BARX1: variants seen among roughly 807,000 people sequenced by gnomAD.
BARX1 encodes the protein homeobox protein BarH-like 1.
In BARX1, 10 loss-of-function variants were observed where a neutral mutation model predicts 19.6. The observed-to-expected ratio is 0.51, with a 90% CI of 0.31 to 0.86. The LOEUF is 0.86. Ranked by LOEUF, BARX1 falls within the 40% of genes least tolerant of loss-of-function variation. BARX1 has a pLI of 0.04. For missense variants in BARX1, 309 were observed against 360.4 expected (o/e 0.86, Z 1.15); for synonymous variants, 177 against 170.0 (o/e 1.04, Z -0.32).
chr9:93,952,459 A>C, intron 3 of BARX1, 131 bp from the exon 4 acceptor site: 1 of 1,347,750 alleles, frequency 7.4e-7, no homozygotes, highest in Non-Finnish European at 9.9e-7. Flanking sequence ...GTCCCGGGAA[A>C]TGGCGGCCAT....
At chr9:93,952,466 C>T in intron 3 of BARX1, 138 bp from the exon 4 acceptor site, 4 of 1,335,924 alleles carry the variant, frequency 3.0e-6, no homozygotes, top group African/African-American at 1.5e-5. Context: ...GAAATGGCGG[C>T]CATTTGTCCA....
chr9:93,954,812 G>A (rs947699720), intron 1 of BARX1, 112 bp downstream of exon 1: 1 of 741,628 alleles, frequency 1.3e-6, no homozygotes, highest in Non-Finnish European at 1.8e-6. Context: ...TGCGCTCCCA[G>A]AGCAGCTTCC....
At chr9:93,954,790 G>T (rs1829141577) in intron 1 of BARX1, 134 bp downstream of exon 1, 2 of 566,930 alleles carry the variant, frequency 3.5e-6, no homozygotes, top group Non-Finnish European at 5.2e-6. Context: ...TCCGAGAGAC[G>T]GTCCCAGAAC....
intron 1 of BARX1, chr9:93,953,398 C>T (rs572560948): frequency 1.7e-6 from 1 of 572,116 alleles, no homozygotes; most frequent in South Asian, 2.6e-5. Context: ...ATCTCCTCGA[C>T]CCTGTCCGTG....
intron 2 of BARX1, 25 bp from the exon 3 acceptor site, chr9:93,952,838 A>G (rs1829118217): frequency 6.2e-7 from 1 of 1,613,994 alleles, no homozygotes; most frequent in Non-Finnish European, 8.5e-7. Context: ...GCGCACCCTC[A>G]GCAAGGCAAG....
In BARX1 at chr9:93,953,172, T is replaced by TCGGC; in HGVS notation, c.235_238dup (p.Glu80GlyfsTer99). The TCGGC allele has an allele frequency of 6.6e-7, 1 of 1,520,588 alleles. No homozygotes were observed. Among genetic ancestry groups the TCGGC allele is most frequent in the Non-Finnish European group, 8.7e-7 (1 of 1,143,990 alleles). 94.2% of individuals were successfully genotyped at this position (1,520,588 alleles called of 1,614,324 possible). A position where few individuals can be genotyped will look rare whatever the true frequency, so the allele number is the denominator to read the frequency against. On this transcript the variant is annotated frameshift_variant, in exon 2 of 4. Coordinates refer to ENST00000253968, the MANE Select transcript of BARX1 (RefSeq NM_021570.4). LOFTEE classifies it high-confidence loss of function. ...TGGGAACTTGAACACCGCCGCCTGC[T>TCGGC]CGGCCTTCAGCACGGCTGCGAAGAA...
chr9:93,952,059 A>T lies in BARX1; in HGVS notation c.*105T>A. 1 of 1,388,986 alleles carries T rather than the reference A, an allele frequency of 7.2e-7. No individual in the cohort carries two copies. The highest frequency in any genetic ancestry group is 9.7e-7 in the Non-Finnish European group (1 of 1,033,578). The allele number at this position is 1,388,986 out of a possible 1,614,324, so 86.0% of individuals were successfully genotyped here. ...ATTCAAGATCATAATAAAAAGGCTT[A>T]GGAAGTAAACTTCTTGGACGCGGAA... On this transcript the variant is annotated 3_prime_UTR_variant, in exon 4 of 4. Transcript: ENST00000253968.
chr9:93,951,909 A>C lies in BARX1; in HGVS notation c.*255T>G. On this transcript the variant is annotated 3_prime_UTR_variant, in exon 4 of 4. Transcript: ENST00000253968. ...TGGAGCGCTCTGCGCCACGGAGCTCAGGGTAGAGACTGTAGCTTCCGCCGG... is the reference window on the plus strand; with the variant it reads ...TGGAGCGCTCTGCGCCACGGAGCTCCGGGTAGAGACTGTAGCTTCCGCCGG... The C allele has an allele frequency of 1.9e-6, 1 of 531,130 alleles. No individual in the cohort carries two copies. The highest frequency in any genetic ancestry group is 3.2e-5 in the East Asian group (1 of 31,176). 32.9% of individuals were successfully genotyped at this position (531,130 alleles called of 1,614,324 possible). A position where few individuals can be genotyped will look rare whatever the true frequency, so the allele number is the denominator to read the frequency against.
In BARX1 at chr9:93,955,205, G is replaced by C. The variant is rs1018770800; in HGVS notation, c.-59C>G. On this transcript the variant is annotated 5_prime_UTR_variant, in exon 1 of 4. Transcript: ENST00000253968. This position sits in a 1 kb window ranked among gnomAD's most constrained non-coding sequence, Gnocchi z 4.4. Reference sequence around the variant, plus strand: ...GCGGCGGCGGCGACGGCTTGGCTCCGGCGCGGGGCCCGCGCGGGGCTCTAG... The same window carrying C: ...GCGGCGGCGGCGACGGCTTGGCTCCCGCGCGGGGCCCGCGCGGGGCTCTAG... The C allele has an allele frequency of 7.0e-6, 6 of 859,518 alleles. No homozygotes were observed. The highest frequency in any genetic ancestry group is 1.3e-4 in the Admixed American group (2 of 15,582). The allele number at this position is 859,518 out of a possible 1,614,324, so 53.2% of individuals were successfully genotyped here.
At chr9:93,953,545 G>A (rs1313652452) in intron 1 of BARX1, 6 of 312,600 alleles carry the variant, frequency 1.9e-5, no homozygotes, top group Non-Finnish European at 3.5e-5. Flanking sequence ...AACGGCAGCT[G>A]GTCCTAAGAA....
chr9:93,952,458 A>G, intron 3 of BARX1, 130 bp from the exon 4 acceptor site: 1 of 1,350,346 alleles, frequency 7.4e-7, no homozygotes, highest in Middle Eastern at 2.6e-4. Flanking sequence ...TGTCCCGGGA[A>G]ATGGCGGCCA....
intron 1 of BARX1, among the ~76,000 whole-genome samples, chr9:93,953,594 AG>A (rs1829126947): frequency 6.6e-6 from 1 of 152,398 alleles, no homozygotes; most frequent in African/African-American, 2.4e-5. Context: ...TTGCTGCGTT[AG>A]AAAAAGAACA....
chr9:93,952,146 C>T lies in BARX1; in HGVS notation c.*18G>A. ...GCGGGTGGCGCGGGCATCCCAGGCC[C>T]CGCACCGTATACCGCCCTCAGTCCT... On this transcript the variant is annotated 3_prime_UTR_variant, in exon 4 of 4. Transcript: ENST00000253968. 4 of 1,602,546 alleles carry T rather than the reference C, an allele frequency of 2.5e-6. No individual in the cohort carries two copies. The highest frequency in any genetic ancestry group is 2.5e-6 in the Non-Finnish European group (3 of 1,179,366).
rs1165822739 is a variant in BARX1 at position 93,955,027 on chromosome 9, C to T, written c.120G>A (p.Gly40=). Reference sequence around the variant, plus strand: ...CGGCTGCGGGCGCGGCGCCCTTGGGCCCGGGTGGCTCCGTGAGGATCTCCT... The same window carrying T: ...CGGCTGCGGGCGCGGCGCCCTTGGGTCCGGGTGGCTCCGTGAGGATCTCCT... ...MIEEILTEPP[G]PKGAAPAAAA... is the part of the protein sequence containing the mutation. Residue 40 remains glycine, a synonymous_variant, in exon 1 of 4, where the codon GGG becomes GGA. Transcript: ENST00000253968. The surrounding 1 kb of genome is among the most constrained non-coding windows in gnomAD (Gnocchi z 4.4). 3 of 1,406,338 alleles carry T rather than the reference C, an allele frequency of 2.1e-6. No individual in the cohort carries two copies. Among genetic ancestry groups the T allele is most frequent in the East Asian group, 3.3e-5 (1 of 30,752 alleles). The allele number at this position is 1,406,338 out of a possible 1,614,324, so 87.1% of individuals were successfully genotyped here.
At position 93,952,266 on chromosome 9, in the gene BARX1, T is replaced by A. The variant is rs1434973461; in HGVS notation, c.663A>T (p.Ser221=). Residue 221 remains serine, a synonymous_variant, in exon 4 of 4, where the codon TCA becomes TCT. Coordinates refer to ENST00000253968, the MANE Select transcript of BARX1 (RefSeq NM_021570.4). ...TKPKGRPKKN[S]IPTSEQLTEQ... is the part of the protein sequence containing the mutation. The stretch of plus-strand genomic sequence containing the variant: ...CAGTAAGCTGCTCGCTCGTTGGAAT[T>A]GAGTTCTTCTTGGGCCGCCCCTTGG... 1 of 1,612,338 alleles carries A rather than the reference T, an allele frequency of 6.2e-7. No homozygotes were observed. The highest frequency in any genetic ancestry group is 1.3e-5 in the African/African-American group (1 of 74,936).
At chr9:93,954,195 G>C (rs1829135108) in intron 1 of BARX1, among the ~76,000 whole-genome samples, 1 of 152,250 alleles carries the variant, frequency 6.6e-6, no homozygotes, top group Admixed American at 6.5e-5. Context: ...GGAAAGACAA[G>C]ACGAGGGTGG....
chr9:93,952,873 G>C, intron 2 of BARX1, 23 bp downstream of exon 2: 1 of 1,611,300 alleles, frequency 6.2e-7, no homozygotes, highest in Non-Finnish European at 8.5e-7. Flanking sequence ...CAGCCCGCTG[G>C]CCCCAGCCTT....
chr9:93,952,867 C>A, intron 2 of BARX1, 29 bp downstream of exon 2: 1 of 1,612,422 alleles, frequency 6.2e-7, no homozygotes, highest in Non-Finnish European at 8.5e-7. Flanking sequence ...CTCCCACAGC[C>A]CGCTGGCCCC....
At chr9:93,954,271 C>T (rs1022148450) in intron 1 of BARX1, among the ~76,000 whole-genome samples, 1 of 152,252 alleles carries the variant, frequency 6.6e-6, no homozygotes, top group Admixed American at 6.5e-5. Flanking sequence ...AGGGCAGAAG[C>T]TGAAAAGGTC....
Sources: allele counts gnomAD v4.1 joint callset (sites outside exome capture counted in the v4.1 genomes callset), GRCh38; gene constraint gnomAD v4.1.1; non-coding constraint Gnocchi (gnomAD v3.1); transcripts MANE v1.5; gene names NCBI Gene and HGNC (gene_info 2026-07-23, HGNC 2026-07-21).